ZMYND19: variants seen among roughly 807,000 people sequenced by gnomAD.
The protein encoded by ZMYND19 is zinc finger MYND domain-containing protein 19.
In ZMYND19, 17 loss-of-function variants were observed where a neutral mutation model predicts 32.0. That is an observed-to-expected ratio of 0.53 (90% confidence interval 0.36 to 0.80). The LOEUF is 0.80. Among genes scored for constraint, ZMYND19 ranks in the 30% least tolerant of loss-of-function variants. ZMYND19 has a pLI of 0.00. For synonymous variants in ZMYND19, 124 were observed against 113.6 expected (o/e 1.09, Z -0.58); for missense variants, 250 against 293.6 (o/e 0.85, Z 1.09).
At position 137,587,776 on chromosome 9, in the gene ZMYND19, G is replaced by A. The variant is rs750895924; in HGVS notation, c.159C>T (p.Ala53=). 3.7e-6 allele frequency: 6 copies of A among 1,614,180 alleles called. No individual in the cohort carries two copies. Among genetic ancestry groups the A allele is most frequent in the Non-Finnish European group, 5.1e-6 (6 of 1,180,030 alleles). The change falls in exon 3 of 6, where the codon GCC becomes GCT. Residue 53 remains alanine (A), a synonymous_variant. Transcript: ENST00000298585. Reference sequence around the variant, plus strand: ...TTCCTCGGTTCTTGTCAAAGGCATAGGCAAATATCTTAGCACCATTTCCAT... The same window carrying A: ...TTCCTCGGTTCTTGTCAAAGGCATAAGCAAATATCTTAGCACCATTTCCAT... ...DADGNGAKIF[A]YAFDKNRGRG... is the part of the protein sequence containing the mutation.
At chr9:137,588,089 T>G (rs1842226586) in intron 2 of ZMYND19, among the ~76,000 whole-genome samples, 1 of 152,182 alleles carries the variant, frequency 6.6e-6, no homozygotes, top group Admixed American at 6.5e-5. Flanking sequence ...TACATTTTCC[T>G]ACCCTTAAAA....
At chr9:137,588,059 T>C (rs887825068) in intron 2 of ZMYND19, among the ~76,000 whole-genome samples, 14 of 151,862 alleles carry the variant, frequency 9.2e-5, no homozygotes, top group African/African-American at 3.1e-4. Flanking sequence ...CTCTGCAAAA[T>C]ACAATGGGAC....
At chr9:137,586,945 G>A (rs767230339) in intron 4 of ZMYND19, 22 bp downstream of exon 4, 21 of 1,610,730 alleles carry the variant, frequency 1.3e-5, no homozygotes, top group East Asian at 6.7e-5. Flanking sequence ...TGCTGGCATC[G>A]CCAGGCCCTG....
At position 137,586,989 on chromosome 9, in the gene ZMYND19, C is replaced by T; in HGVS notation, c.337G>A (p.Glu113Lys). 6.2e-7 allele frequency: 1 copy of T among 1,612,444 alleles called. No individual in the cohort carries two copies. The change falls in exon 4 of 6, where the codon GAA becomes AAA. Residue 113 changes from glutamate (E) to lysine (K), a missense_variant. Physicochemically the swap from Glu to Lys is moderately conservative, Grantham distance 56 (BLOSUM62 1). This residue lies in a region of ZMYND19 where 212 missense variants were observed against 218.8 expected (regional missense o/e 0.97). Transcript: ENST00000298585. The stretch of plus-strand genomic sequence containing the variant: ...CACCTCTGCTTGCTGGAGGTCTCTT[C>T]AGCCTTGGGCCGCCAGCCCCACGGC... The part of the protein sequence containing the change: ...LVPWGWRPKA[E>K]ETSSKQREQS...
At chr9:137,589,808 G>A (rs779526392) in intron 1 of ZMYND19, 843 of 985,508 alleles carry the variant, frequency 8.6e-4, no homozygotes, top group Non-Finnish European at 8.8e-4. Context: ...GCCTCGGAAA[G>A]GGCGCTGTGT....
At chr9:137,589,369 G>A in intron 1 of ZMYND19, 1 of 985,448 alleles carries the variant, frequency 1.0e-6, no homozygotes, top group South Asian at 4.7e-5. Context: ...TCTCCCTCTT[G>A]GCAGTTTTTC....
At chr9:137,589,438 C>A in intron 1 of ZMYND19, 1 of 985,458 alleles carries the variant, frequency 1.0e-6, no homozygotes, top group Non-Finnish European at 1.2e-6. Context: ...GCTCCTCTCT[C>A]CCACCAAAAG....
In ZMYND19 at chr9:137,590,213, C is replaced by A; in HGVS notation, c.51G>T (p.Lys17Asn). 8.8e-7 allele frequency: 1 copy of A among 1,130,750 alleles called. No homozygotes were observed. The allele number at this position is 1,130,750 out of a possible 1,614,324, so 70.0% of individuals were successfully genotyped here. A position where few individuals can be genotyped will look rare whatever the true frequency, so the allele number is the denominator to read the frequency against. ...GGGTCGCGGGCTCCGCGCCGCTCACCTTCCCGGCCACCCGGCCGAGCCGCA... is the reference window on the plus strand; with the variant it reads ...GGGTCGCGGGCTCCGCGCCGCTCACATTCCCGGCCACCCGGCCGAGCCGCA... ...GIVRLGRVAG[K>N]TKYTLIDEQD... Residue 17 changes from lysine to asparagine, a missense_variant and splice_region_variant, in exon 1 of 6, where the codon AAG becomes AAT. Lys to Asn is a moderately conservative substitution (Grantham distance 94). Coordinates refer to ENST00000298585, the MANE Select transcript of ZMYND19 (RefSeq NM_138462.3). This position sits in a 1 kb window ranked among gnomAD's most constrained non-coding sequence, Gnocchi z 4.2.
Position 137,590,175 on chromosome 9 carries a change from G to T in ZMYND19, c.51+38C>A, listed in dbSNP as rs1439668505. 6 of 1,044,104 alleles carry T rather than the reference G, an allele frequency of 5.7e-6. No individual in the cohort carries two copies. Among genetic ancestry groups the T allele is most frequent in the Non-Finnish European group, 6.9e-6 (6 of 867,134 alleles). 64.7% of individuals were successfully genotyped at this position (1,044,104 alleles called of 1,614,324 possible). On this transcript the variant is annotated intron_variant, in intron 1 of 5. Coordinates refer to ENST00000298585, the MANE Select transcript of ZMYND19 (RefSeq NM_138462.3). This position sits in a 1 kb window ranked among gnomAD's most constrained non-coding sequence, Gnocchi z 4.2. ...CCGGCCCCGCGCGGAGGCCTGGACG[G>T]GCGAGACGGGCCGGGTCGCGGGCTC...
At position 137,582,237 on chromosome 9, in the gene ZMYND19, C is replaced by G; in HGVS notation, c.*306G>C. The G allele has an allele frequency of 3.6e-6, 1 of 280,136 alleles. No individual in the cohort carries two copies. Among genetic ancestry groups the G allele is most frequent in the Non-Finnish European group, 6.7e-6 (1 of 148,884 alleles). The allele number at this position is 280,136 out of a possible 1,614,324, so 17.4% of individuals were successfully genotyped here. A position where few individuals can be genotyped will look rare whatever the true frequency, so the allele number is the denominator to read the frequency against. Reference sequence around the variant, plus strand: ...CATTTAAGGATTACAGCAAATGATTCTATTTGTAATTTCTACCCTTCCCAT... The same window carrying G: ...CATTTAAGGATTACAGCAAATGATTGTATTTGTAATTTCTACCCTTCCCAT... On this transcript the variant is annotated 3_prime_UTR_variant, in exon 6 of 6. Transcript: ENST00000298585.
At chr9:137,585,732 C>T (rs1175594737) in intron 4 of ZMYND19, among the ~76,000 whole-genome samples, 1 of 152,204 alleles carries the variant, frequency 6.6e-6, no homozygotes, top group Non-Finnish European at 1.5e-5. Context: ...GTGTCAGGTG[C>T]TCCCACTGTT....
At chr9:137,584,614 C>T (rs1282128673) in intron 4 of ZMYND19, among the ~76,000 whole-genome samples, 1 of 152,204 alleles carries the variant, frequency 6.6e-6, no homozygotes, top group Non-Finnish European at 1.5e-5. Context: ...CCCATCCCAG[C>T]ATCAACACTG....
chr9:137,590,313 G>A lies in ZMYND19; in HGVS notation c.-50C>T, dbSNP rs746335699. On this transcript the variant is annotated 5_prime_UTR_variant, in exon 1 of 6. Transcript: ENST00000298585. The surrounding 1 kb of genome is among the most constrained non-coding windows in gnomAD (Gnocchi z 4.2). Reference sequence around the variant, plus strand: ...CAGCGCCGCTCCCTCGGGAGGCGCCGAGCGGGGGCCGGGGCGAGGCCGCGG... The same window carrying A: ...CAGCGCCGCTCCCTCGGGAGGCGCCAAGCGGGGGCCGGGGCGAGGCCGCGG... 20 of 1,022,892 alleles carry A rather than the reference G, an allele frequency of 2.0e-5. No homozygotes were observed. Among genetic ancestry groups the A allele is most frequent in the Middle Eastern group, 4.5e-4 (1 of 2,218 alleles). 63.4% of individuals were successfully genotyped at this position (1,022,892 alleles called of 1,614,324 possible). A position where few individuals can be genotyped will look rare whatever the true frequency, so the allele number is the denominator to read the frequency against.
At position 137,590,334 on chromosome 9, in the gene ZMYND19, C is replaced by T; in HGVS notation, c.-71G>A. The T allele has an allele frequency of 1.0e-6, 1 of 961,828 alleles. No individual in the cohort carries two copies. The highest frequency in any genetic ancestry group is 1.2e-6 in the Non-Finnish European group (1 of 803,964). The allele number at this position is 961,828 out of a possible 1,614,324, so 59.6% of individuals were successfully genotyped here. On this transcript the variant is annotated 5_prime_UTR_variant, in exon 1 of 6. Coordinates refer to ENST00000298585, the MANE Select transcript of ZMYND19 (RefSeq NM_138462.3). This position sits in a 1 kb window ranked among gnomAD's most constrained non-coding sequence, Gnocchi z 4.2. ...CGCCGAGCGGGGGCCGGGGCGAGGC[C>T]GCGGCGCGCCGGGACAGGACGGGAC...
intron 3 of ZMYND19, 43 bp downstream of exon 3, chr9:137,587,674 G>A (rs1451107423): frequency 1.3e-6 from 2 of 1,585,262 alleles, no homozygotes; most frequent in Non-Finnish European, 1.7e-6. Context: ...AGCTCACCCA[G>A]GAGCCCAGTG....
At chr9:137,585,748 C>A (rs990081168) in intron 4 of ZMYND19, among the ~76,000 whole-genome samples, 11 of 152,192 alleles carry the variant, frequency 7.2e-5, no homozygotes, top group African/African-American at 2.7e-4. Context: ...CTGTTTCCAC[C>A]TCGGCTGCCC....
chr9:137,585,497 G>T (rs548316579), intron 4 of ZMYND19, among the ~76,000 whole-genome samples: 2 of 151,386 alleles, frequency 1.3e-5, no homozygotes, highest in Admixed American at 1.3e-4. Flanking sequence ...AACATAGTGA[G>T]ACCCATCCGT....
chr9:137,590,175 G>A lies in ZMYND19; in HGVS notation c.51+38C>T, dbSNP rs1439668505. 2 of 1,044,212 alleles carry A rather than the reference G, an allele frequency of 1.9e-6. No individual in the cohort carries two copies. Among genetic ancestry groups the A allele is most frequent in the Non-Finnish European group, 2.3e-6 (2 of 867,124 alleles). The allele number at this position is 1,044,212 out of a possible 1,614,324, so 64.7% of individuals were successfully genotyped here. Reference sequence around the variant, plus strand: ...CCGGCCCCGCGCGGAGGCCTGGACGGGCGAGACGGGCCGGGTCGCGGGCTC... The same window carrying A: ...CCGGCCCCGCGCGGAGGCCTGGACGAGCGAGACGGGCCGGGTCGCGGGCTC... On this transcript the variant is annotated intron_variant, in intron 1 of 5. Coordinates refer to ENST00000298585, the MANE Select transcript of ZMYND19 (RefSeq NM_138462.3). The surrounding 1 kb of genome is among the most constrained non-coding windows in gnomAD (Gnocchi z 4.2).
At position 137,583,576 on chromosome 9, in the gene ZMYND19, A is replaced by G. The variant is rs565355268; in HGVS notation, c.360-413T>C. Reference sequence around the variant, plus strand: ...TCCGTCTAAAAACTCCTCCTGCTTGAGTAGGCCAGATGCCTACAACGGGAG... The same window carrying G: ...TCCGTCTAAAAACTCCTCCTGCTTGGGTAGGCCAGATGCCTACAACGGGAG... On this transcript the variant is annotated intron_variant, in intron 4 of 5. Transcript: ENST00000298585. 5.9e-5 allele frequency among the ~76,000 whole-genome samples: 9 copies of G among 152,318 alleles called. No individual in the cohort carries two copies. The South Asian group carries it at 1.9e-3, about 32-fold the overall frequency.
Sources: allele counts gnomAD v4.1 joint callset (sites outside exome capture counted in the v4.1 genomes callset), GRCh38; gene constraint gnomAD v4.1.1; regional missense constraint gnomAD v4.1.1; non-coding constraint Gnocchi (gnomAD v3.1); transcripts MANE v1.5; gene names NCBI Gene and HGNC (gene_info 2026-07-23, HGNC 2026-07-21).